The following IGSF11 variants were observed in gnomAD, a reference collection of about 807,000 sequenced individuals.
The protein encoded by IGSF11 is immunoglobulin superfamily member 11, also known as CXADR like 1.
IGSF11 carries 22 observed loss-of-function variants against 41.0 expected under a neutral mutation model. The observed-to-expected ratio is 0.54, with a 90% confidence interval of 0.38 to 0.77. IGSF11 has a LOEUF of 0.77. IGSF11 is among the 30% of genes least tolerant of loss of function. IGSF11 has a pLI of 0.00. For synonymous variants in IGSF11, 219 were observed against 201.3 expected (o/e 1.09, Z -0.74); for missense variants, 444 against 530.8 (o/e 0.84, Z 1.61).
At chr3:119,072,983 T>C (rs1308697024) in intron 1 of IGSF11, among the ~76,000 whole-genome samples, 1 of 152,100 alleles carries the variant, frequency 6.6e-6, no homozygotes, top group African/African-American at 2.4e-5. Context: ...AAAGTTCTGT[T>C]AAGTCCCCAC....
chr3:119,005,353 G>A (rs1290200482), intron 1 of IGSF11, among the ~76,000 whole-genome samples: 5 of 150,210 alleles, frequency 3.3e-5, no homozygotes, highest in African/African-American at 5.0e-5. Flanking sequence ...GAGCCTATGT[G>A]TGTCTCTGCA....
chr3:119,029,067 C>T (rs984781406), intron 1 of IGSF11, among the ~76,000 whole-genome samples: 1 of 151,786 alleles, frequency 6.6e-6, no homozygotes, highest in African/African-American at 2.4e-5. Flanking sequence ...AAACAACAGT[C>T]TTCTCAGGTG....
intron 1 of IGSF11, among the ~76,000 whole-genome samples, chr3:119,011,338 C>T (rs531911290): frequency 1.3e-5 from 2 of 152,178 alleles, no homozygotes; most frequent in East Asian, 3.9e-4. Flanking sequence ...GAGGGAAAAC[C>T]ATGGAAAAGA....
intron 1 of IGSF11, among the ~76,000 whole-genome samples, chr3:119,001,412 T>A (rs912842320): frequency 2.3e-4 from 35 of 151,378 alleles, no homozygotes; most frequent in African/African-American, 8.2e-4. Context: ...CAGTGGTAAC[T>A]CAAAAGATAT....
At chr3:119,116,096 A>G (rs1022802214) in intron 1 of IGSF11, among the ~76,000 whole-genome samples, 5 of 152,210 alleles carry the variant, frequency 3.3e-5, no homozygotes, top group Non-Finnish European at 7.3e-5. Flanking sequence ...CAGATAAAAC[A>G]TTATTTCTGG....
At chr3:118,923,791 T>C (rs571551440) in intron 4 of IGSF11, among the ~76,000 whole-genome samples, 2 of 152,308 alleles carry the variant, frequency 1.3e-5, no homozygotes, top group East Asian at 1.9e-4. Context: ...ATTTAGGTTA[T>C]GTGTTTTTGA....
At chr3:118,923,656 G>A (rs1942033837) in intron 4 of IGSF11, among the ~76,000 whole-genome samples, 2 of 152,120 alleles carry the variant, frequency 1.3e-5, no homozygotes, top group Admixed American at 6.5e-5. Flanking sequence ...TACTGCTCAA[G>A]GTCATCGCCA....
chr3:119,033,349 G>A (rs1443936534), intron 1 of IGSF11, among the ~76,000 whole-genome samples: 1 of 152,110 alleles, frequency 6.6e-6, no homozygotes, highest in Non-Finnish European at 1.5e-5. Flanking sequence ...TCTCAAACTA[G>A]TAACAGTACA....
intron 1 of IGSF11, among the ~76,000 whole-genome samples, chr3:119,059,359 A>G (rs1460395961): frequency 6.6e-6 from 1 of 152,136 alleles, no homozygotes; most frequent in Non-Finnish European, 1.5e-5. Flanking sequence ...GGGAGCTAAG[A>G]CATGAGGACA....
At chr3:119,097,454 C>A (rs1329506410) in intron 1 of IGSF11, among the ~76,000 whole-genome samples, 1 of 147,392 alleles carries the variant, frequency 6.8e-6, no homozygotes, top group African/African-American at 2.7e-5. Context: ...ATGGAGAGCA[C>A]ACATTTCACT....
chr3:119,128,345 GAAAGAAAGAAAGA>G (rs1264960397), intron 1 of IGSF11, among the ~76,000 whole-genome samples: 5 of 146,766 alleles, frequency 3.4e-5, no homozygotes, highest in East Asian at 2.0e-4. Context: ...GTGAGAGTGA[GAAAGAAAGAAAGA>G]AAAGAAAGAA....
chr3:119,009,220 C>T (rs1040086769), intron 1 of IGSF11, among the ~76,000 whole-genome samples: 7 of 152,074 alleles, frequency 4.6e-5, no homozygotes, highest in African/African-American at 1.7e-4. Context: ...ATTTGAAATT[C>T]TGTTACCCAA....
intron 1 of IGSF11, among the ~76,000 whole-genome samples, chr3:119,051,430 A>G (rs1444578607): frequency 6.6e-6 from 1 of 152,170 alleles, no homozygotes; most frequent in Non-Finnish European, 1.5e-5. Flanking sequence ...AAAATATCAC[A>G]ATTCTAAATA....
At chr3:119,014,381 C>G (rs919936506) in intron 1 of IGSF11, among the ~76,000 whole-genome samples, 1 of 152,142 alleles carries the variant, frequency 6.6e-6, no homozygotes, top group Non-Finnish European at 1.5e-5. Flanking sequence ...CCTAAACAAC[C>G]CTGCCACAAT....
At chr3:118,971,525 C>A (rs1185910422) in intron 1 of IGSF11, among the ~76,000 whole-genome samples, 1 of 152,024 alleles carries the variant, frequency 6.6e-6, no homozygotes, top group African/African-American at 2.4e-5. Context: ...TATAGTTGGG[C>A]CGGGCGCAGT....
chr3:119,139,287 C>T (rs187810839), intron 1 of IGSF11, among the ~76,000 whole-genome samples: 77 of 152,242 alleles, frequency 5.1e-4, no homozygotes, highest in African/African-American at 1.9e-3. Context: ...AGAATGAAAG[C>T]ATACTTGATG....
chr3:119,120,394 A>G (rs1405615222), intron 1 of IGSF11, among the ~76,000 whole-genome samples: 1 of 152,238 alleles, frequency 6.6e-6, no homozygotes, highest in African/African-American at 2.4e-5. Flanking sequence ...CTTGGCTGAG[A>G]AAGAATTCAG....
chr3:118,961,677 AAGGGTATGGGAGTG>A (rs1306950444), intron 1 of IGSF11, among the ~76,000 whole-genome samples: 1 of 152,202 alleles, frequency 6.6e-6, no homozygotes, highest in African/African-American at 2.4e-5. Flanking sequence ...AGTGGATACT[AAGGGTATGGGAGTG>A]AGTTCAGACA....
At chr3:118,903,211 A>C (rs1487124597) in intron 6 of IGSF11, among the ~76,000 whole-genome samples, 2 of 152,166 alleles carry the variant, frequency 1.3e-5, no homozygotes, top group Non-Finnish European at 2.9e-5. Context: ...AGGAAATCTC[A>C]GATCTCTCAG....
Sources: gnomAD v4.1 joint callset for allele counts (sites outside exome capture counted in the v4.1 genomes callset) on GRCh38, gnomAD v4.1.1 for gene constraint, MANE v1.5 for transcripts, NCBI Gene and HGNC (gene_info 2026-07-23, HGNC 2026-07-21) for gene names.